Variants in TBC1D8 observed in about 807,000 individuals in gnomAD.
TBC1D8 encodes BUB2-like protein 1.
Under a neutral mutation model 118.8 loss-of-function variants are expected in TBC1D8, and 65 were observed. That is an observed-to-expected ratio of 0.55 (90% CI 0.45 to 0.67). TBC1D8 has a LOEUF of 0.67. Ranked by LOEUF, TBC1D8 falls within the 30% of genes least tolerant of loss-of-function variation. TBC1D8 has a pLI of 0.00. For missense variants in TBC1D8, 1,376 were observed against 1,471.2 expected (o/e 0.94, Z 1.06); for synonymous variants, 566 against 595.8 (o/e 0.95, Z 0.73).
Position 101,038,783 on chromosome 2 carries a change from G to A in TBC1D8, c.1081-128C>T, listed in dbSNP as rs1006677486. The A allele has an allele frequency of 6.5e-6, 7 of 1,071,182 alleles. No homozygotes were observed. The East Asian group carries it at 9.9e-5, about 15-fold the overall frequency. The allele number at this position is 1,071,182 out of a possible 1,614,324, so 66.4% of individuals were successfully genotyped here. On this transcript the variant is annotated intron_variant, in intron 6 of 19. Transcript: ENST00000409318. Reference sequence around the variant, plus strand: ...TGCAGAAAGGAGATGATGCAATGGCGAGAAAGTGGCACTGCTCACCCCCAC... The same window carrying A: ...TGCAGAAAGGAGATGATGCAATGGCAAGAAAGTGGCACTGCTCACCCCCAC...
Position 101,008,021 on chromosome 2 carries a change from C to G in TBC1D8, c.3268G>C (p.Glu1090Gln). Residue 1090 changes from glutamate (E) to glutamine (Q), a missense_variant, in exon 20 of 20, where the codon GAG becomes CAG. Glu to Gln is a conservative substitution (Grantham distance 29). Coordinates refer to ENST00000409318, the MANE Select transcript of TBC1D8 (RefSeq NM_001330348.2). ...ACAGTCCAGTCCCTTTCTGCCGCCTCTGGAAATGCCTGGGAGTCCTGGGGC... is the reference window on the plus strand; with the variant it reads ...ACAGTCCAGTCCCTTTCTGCCGCCTGTGGAAATGCCTGGGAGTCCTGGGGC... ...KTPQDSQAFP[E>Q]AAERDWTVSL... The G allele has an allele frequency of 6.2e-7, 1 of 1,613,998 alleles. No individual in the cohort carries two copies. Among genetic ancestry groups the G allele is most frequent in the African/African-American group, 1.3e-5 (1 of 75,044 alleles).
chr2:101,024,991 A>G (rs1040598161), intron 15 of TBC1D8, among the ~76,000 whole-genome samples: 2 of 152,166 alleles, frequency 1.3e-5, no homozygotes, highest in Admixed American at 1.3e-4. Context: ...TCTCATCTAG[A>G]ACAAAGTTCA....
intron 1 of TBC1D8, among the ~76,000 whole-genome samples, chr2:101,128,762 C>A (rs1473368998): frequency 6.6e-6 from 1 of 152,184 alleles, no homozygotes; most frequent in African/African-American, 2.4e-5. Flanking sequence ...TCATTAGCCT[C>A]AAATAATATT....
chr2:101,096,081 T>C (rs1004871342), intron 1 of TBC1D8, among the ~76,000 whole-genome samples: 1 of 152,180 alleles, frequency 6.6e-6, no homozygotes, highest in Middle Eastern at 3.2e-3. Flanking sequence ...TTGTTTTAAA[T>C]TTTTTTATGT....
intron 2 of TBC1D8, among the ~76,000 whole-genome samples, chr2:101,089,911 C>G (rs1325543836): frequency 1.5e-5 from 2 of 129,564 alleles, no homozygotes; most frequent in Non-Finnish European, 1.6e-5. Flanking sequence ...CCTTTATGTG[C>G]TTTCGATGGT....
chr2:101,059,792 AGCCGG>A, intron 2 of TBC1D8, among the ~76,000 whole-genome samples: 1 of 152,208 alleles, frequency 6.6e-6, no homozygotes, highest in Non-Finnish European at 1.5e-5. Flanking sequence ...GCAAAAAATT[AGCCGG>A]GCGTGGTGGC....
At position 101,094,541 on chromosome 2, in the gene TBC1D8, C is replaced by T. The variant is rs373958787; in HGVS notation, c.128-4177G>A. ...AACTCATATCTAGTTTGATAAAAAC[C>T]GGAGGGACTTTGGACAACATCAAAT... On this transcript the variant is annotated intron_variant, in intron 1 of 19. Transcript: ENST00000409318. Among the ~76,000 whole-genome samples the T allele has an allele frequency of 7.2e-5, 11 of 152,232 alleles. No homozygotes were observed. In the South Asian group the frequency reaches 1.7e-3, roughly 23 times the overall value.
Position 101,040,333 on chromosome 2 carries a change from G to T in TBC1D8, c.925C>A (p.Pro309Thr). 6.2e-7 allele frequency: 1 copy of T among 1,613,166 alleles called. No individual in the cohort carries two copies. The highest frequency in any genetic ancestry group is 1.1e-5 in the South Asian group (1 of 90,940). Residue 309 changes from proline to threonine, a missense_variant, in exon 6 of 20, where the codon CCG becomes ACG. Physicochemically the swap from Pro to Thr is conservative, Grantham distance 38. Transcript: ENST00000409318. Reference sequence around the variant, plus strand: ...ACCGCGTGCAGCTTCTCCTTCCTCGGCAACCTGAAGAAAGCCCGGAAGAAC... The same window carrying T: ...ACCGCGTGCAGCTTCTCCTTCCTCGTCAACCTGAAGAAAGCCCGGAAGAAC... ...NEFFRAFFRL[P>T]RKEKLHAVVD...
At chr2:101,086,424 C>T (rs79102341) in intron 2 of TBC1D8, among the ~76,000 whole-genome samples, 19,842 of 152,126 alleles carry the variant, frequency 0.13, 1,632 homozygotes, top group East Asian at 0.27. Flanking sequence ...ATTAAAGAAA[C>T]CAATCTGCAG....
intron 8 of TBC1D8, 58 bp from the exon 9 acceptor site, chr2:101,036,226 A>C (rs1680999820): frequency 1.3e-6 from 2 of 1,573,670 alleles, no homozygotes; most frequent in African/African-American, 1.4e-5. Context: ...CCCCCCACCC[A>C]CCGATGCACC....
rs376026169 is a variant in TBC1D8 at position 101,050,644 on chromosome 2, G to A, written c.632-3C>T. On this transcript the variant is annotated splice_polypyrimidine_tract_variant and splice_region_variant and intron_variant, in intron 4 of 19. Transcript: ENST00000409318. The stretch of plus-strand genomic sequence containing the variant: ...AACCCACGGAACCACAAGTTTAACT[G>A]TAAGAGAAAAGGGTGAAATACCTAT... 5.7e-5 allele frequency: 92 copies of A among 1,612,726 alleles called. No individual in the cohort carries two copies. In the Middle Eastern group the frequency reaches 1.7e-3, roughly 29 times the overall value.
intron 1 of TBC1D8, among the ~76,000 whole-genome samples, chr2:101,117,033 C>T (rs1166986565): frequency 6.6e-6 from 1 of 152,044 alleles, no homozygotes. Context: ...GAGCAGACGG[C>T]CACTGAAGAC....
intron 1 of TBC1D8, among the ~76,000 whole-genome samples, chr2:101,103,185 C>T (rs1270291219): frequency 6.6e-6 from 1 of 151,856 alleles, no homozygotes; most frequent in Non-Finnish European, 1.5e-5. Context: ...TCCAGGTATG[C>T]AAGGATGGTT....
At chr2:101,095,284 G>A (rs1277600981) in intron 1 of TBC1D8, among the ~76,000 whole-genome samples, 1 of 111,254 alleles carries the variant, frequency 9.0e-6, no homozygotes, top group Non-Finnish European at 2.0e-5. Flanking sequence ...AAGTTTTAGG[G>A]TACATGTGCA....
At chr2:101,143,763 T>C (rs933897123) in intron 1 of TBC1D8, among the ~76,000 whole-genome samples, 1 of 152,184 alleles carries the variant, frequency 6.6e-6, no homozygotes, top group African/African-American at 2.4e-5. Flanking sequence ...GATTTTGCTA[T>C]GTTGCCCAGG....
chr2:101,017,824 T>A (rs1331307616), intron 17 of TBC1D8: 1 of 1,549,476 alleles, frequency 6.5e-7, no homozygotes, highest in Non-Finnish European at 8.7e-7. Flanking sequence ...ATACTAATAC[T>A]AACAGTGAAG....
intron 2 of TBC1D8, among the ~76,000 whole-genome samples, chr2:101,089,496 A>G (rs1675870000): frequency 6.6e-6 from 1 of 152,164 alleles, no homozygotes. Context: ...TCCTGGCCCA[A>G]GAGGAACCTG....
chr2:101,068,497 G>A (rs1374323), intron 2 of TBC1D8: 175,047 of 391,140 alleles, frequency 0.45, 42,403 homozygotes, highest in Admixed American at 0.53. Context: ...AACAAAGGTA[G>A]TTGTCTCTGG....
In TBC1D8 at chr2:101,027,451, G is replaced by A; in HGVS notation, c.2452C>T (p.Leu818Phe). ...GHEDTTKQNV[L>F]RVVIPEVSIL... The stretch of plus-strand genomic sequence containing the variant: ...GAGACTTCCGGGATAACGACTCGAA[G>A]CTTGAGGAAAGAATAAACAGCAATG... The change falls in exon 15 of 20, where the codon CTT becomes TTT. Residue 818 changes from leucine (L) to phenylalanine (F), a missense_variant and splice_region_variant. By Grantham distance (22) the Leu-to-Phe change is conservative. Transcript: ENST00000409318. 6.2e-7 allele frequency: 1 copy of A among 1,612,886 alleles called. No individual in the cohort carries two copies. Among genetic ancestry groups the A allele is most frequent in the Non-Finnish European group, 8.5e-7 (1 of 1,179,096 alleles).
Sources: allele counts gnomAD v4.1 joint callset (sites outside exome capture counted in the v4.1 genomes callset), GRCh38; gene constraint gnomAD v4.1.1; transcripts MANE v1.5; gene names NCBI Gene and HGNC (gene_info 2026-07-23, HGNC 2026-07-21).